MAPK10: variants seen among roughly 807,000 people sequenced by gnomAD.
The protein encoded by MAPK10 is JNK3 alpha protein kinase.
In MAPK10, 25 loss-of-function variants were observed where a neutral mutation model predicts 59.3. The ratio of observed to expected loss-of-function variants is 0.42; its 90% CI spans 0.31 to 0.59. MAPK10 has a LOEUF of 0.59. Ranked by LOEUF, MAPK10 falls within the 20% of genes least tolerant of loss-of-function variation. MAPK10 has a pLI of 0.15. For missense variants in MAPK10, 351 were observed against 568.9 expected, an observed-to-expected ratio of 0.62 and a Z score of 3.90; for synonymous variants, 190 against 200.5, an observed-to-expected ratio of 0.95 and a Z score of 0.44.
At chr4:86,394,320 T>C (rs1742635193) in intron 1 of MAPK10, among the ~76,000 whole-genome samples, 2 of 152,064 alleles carry the variant, frequency 1.3e-5, no homozygotes, top group Non-Finnish European at 2.9e-5. Context: ...CTCAAACTTA[T>C]TCCTCTTGAG....
intron 9 of MAPK10, among the ~76,000 whole-genome samples, chr4:86,089,799 T>C (rs1238701737): frequency 6.6e-6 from 1 of 152,164 alleles, no homozygotes; most frequent in Non-Finnish European, 1.5e-5. Flanking sequence ...AGTTCAAGAA[T>C]GAATGTTTCA....
chr4:86,430,561 T>C (rs991686833), intron 1 of MAPK10, among the ~76,000 whole-genome samples: 1 of 152,154 alleles, frequency 6.6e-6, no homozygotes, highest in African/African-American at 2.4e-5. Context: ...ACCATAGAGT[T>C]GGGTCAAGAG....
intron 1 of MAPK10, among the ~76,000 whole-genome samples, chr4:86,580,806 C>G (rs1284627850): frequency 1.3e-5 from 2 of 152,156 alleles, no homozygotes; most frequent in African/African-American, 2.4e-5. Context: ...TTGAATGGAG[C>G]TCAGAATGTG....
At position 86,583,513 on chromosome 4, in the gene MAPK10, C is replaced by G. The variant is rs1011268151; in HGVS notation, c.-263+10397G>C. On this transcript the variant is annotated intron_variant, in intron 1 of 4. Coordinates refer to the MAPK10 transcript ENST00000502302. ...AGTCAGTTTTTCTACATTAAAAAAA[C>G]GCAGTTTTCCATCATTCTTTTTCGG... Among the ~76,000 whole-genome samples, 4 of 152,078 alleles carry G rather than the reference C, an allele frequency of 2.6e-5. No homozygotes were observed. The South Asian group carries it at 6.2e-4, about 24-fold the overall frequency.
At chr4:86,325,526 T>C (rs1214932051) in intron 2 of MAPK10, among the ~76,000 whole-genome samples, 1 of 152,236 alleles carries the variant, frequency 6.6e-6, no homozygotes, top group East Asian at 1.9e-4. Context: ...AATATGTTAC[T>C]AAATACAGCC....
At chr4:86,033,003 T>C (rs991345616) in intron 11 of MAPK10, among the ~76,000 whole-genome samples, 2 of 151,826 alleles carry the variant, frequency 1.3e-5, no homozygotes, top group African/African-American at 2.4e-5. Context: ...CCCCAGACAA[T>C]AGTAAGAACA....
At chr4:86,360,329 A>C, upstream of MAPK10, 2 of 338,836 alleles carry the variant, frequency 5.9e-6, no homozygotes, top group South Asian at 2.4e-4. Context: ...GATCCATTCG[A>C]TGCAGTTCTG....
chr4:86,461,797 C>T (rs557940180), intron 1 of MAPK10, among the ~76,000 whole-genome samples: 4 of 152,152 alleles, frequency 2.6e-5, no homozygotes, highest in Non-Finnish European at 5.9e-5. Flanking sequence ...CTGGAGGACA[C>T]TGGGCAAAAA....
At chr4:86,073,308 C>A (rs938868278) in intron 9 of MAPK10, among the ~76,000 whole-genome samples, 18 of 150,474 alleles carry the variant, frequency 1.2e-4, no homozygotes, top group Admixed American at 4.6e-4. Context: ...GTCTTGCTAG[C>A]GGTCTATCAA....
intron 2 of MAPK10, among the ~76,000 whole-genome samples, chr4:86,257,936 C>A (rs2093821290): frequency 6.6e-6 from 1 of 152,190 alleles, no homozygotes. Flanking sequence ...TCATCACACA[C>A]ACAAGGCAAA....
chr4:86,019,419 A>G (rs1745169570), intron 13 of MAPK10, among the ~76,000 whole-genome samples: 2 of 152,160 alleles, frequency 1.3e-5, no homozygotes, highest in Admixed American at 1.3e-4. Context: ...TATCAGGACA[A>G]TGTATAAAGT....
intron 2 of MAPK10, among the ~76,000 whole-genome samples, chr4:86,210,732 A>G (rs1563142761): frequency 6.6e-6 from 1 of 151,898 alleles, no homozygotes; most frequent in African/African-American, 2.4e-5. Flanking sequence ...AAAGAAAAAA[A>G]TAGACAGAAA....
At chr4:86,228,943 A>G (rs993407571) in intron 2 of MAPK10, among the ~76,000 whole-genome samples, 1 of 152,240 alleles carries the variant, frequency 6.6e-6, no homozygotes, top group African/African-American at 2.4e-5. Flanking sequence ...GACTATGCAT[A>G]GTTCAAAACA....
rs578023872 is a variant in MAPK10 at position 86,438,535 on chromosome 4, C to T, written c.-122+14495G>A. ...TGAGAACTTGTCTGTACTAAAAATA[C>T]AAAAATTAGCTGGGTGTGGTGGCAG... On this transcript the variant is annotated intron_variant, in intron 1 of 13. Coordinates refer to the MAPK10 transcript ENST00000361569. 7.9e-5 allele frequency among the ~76,000 whole-genome samples: 12 copies of T among 151,878 alleles called. No homozygotes were observed. In the East Asian group the frequency reaches 2.1e-3, roughly 27 times the overall value.
chr4:86,458,299 CA>C (rs151181834), intron 1 of MAPK10, among the ~76,000 whole-genome samples: 71 of 118,076 alleles, frequency 6.0e-4, no homozygotes, highest in East Asian at 7.1e-4. Context: ...GACTCTGTCT[CA>C]AAAAAAAAAA....
At chr4:86,403,991 A>G (rs1744053317) in intron 1 of MAPK10, among the ~76,000 whole-genome samples, 1 of 152,146 alleles carries the variant, frequency 6.6e-6, no homozygotes. Flanking sequence ...TACCCTCCCA[A>G]GGTTAAACTT....
intron 11 of MAPK10, among the ~76,000 whole-genome samples, chr4:86,048,478 G>A (rs2042924229): frequency 6.6e-6 from 1 of 152,052 alleles, no homozygotes; most frequent in South Asian, 2.1e-4. Flanking sequence ...ATAGCTCTAG[G>A]TGAAAAACAC....
At position 86,011,277 on chromosome 4, in the gene MAPK10, G is replaced by A. The variant is rs1456175665; in HGVS notation, c.*5951C>T. On this transcript the variant is annotated 3_prime_UTR_variant, in exon 14 of 14. Coordinates refer to ENST00000641462, the MANE Select transcript of MAPK10 (RefSeq NM_138982.4). ...AACATAAAGTGATCTGTGATGGCAG[G>A]ACTTTCAGCGTGTTTCACTATTAGC... The A allele has an allele frequency of 6.6e-6, 1 of 152,220 alleles. No individual in the cohort carries two copies. The allele number at this position is 152,220 out of a possible 1,614,324, so 9.4% of individuals were successfully genotyped here.
chr4:86,109,609 C>G (rs1177017757), intron 4 of MAPK10, among the ~76,000 whole-genome samples: 1 of 152,186 alleles, frequency 6.6e-6, no homozygotes, highest in African/African-American at 2.4e-5. Context: ...TGCATATGTA[C>G]CACATTTTCT....
Sources: gnomAD v4.1 joint callset for allele counts (sites outside exome capture counted in the v4.1 genomes callset) on GRCh38, gnomAD v4.1.1 for gene constraint, MANE v1.5 for transcripts, NCBI Gene and HGNC (gene_info 2026-07-23, HGNC 2026-07-21) for gene names.